The following NKAIN2 variants were observed in gnomAD, a reference collection of about 807,000 sequenced individuals.
NKAIN2 encodes the protein sodium/potassium-transporting ATPase subunit beta-1-interacting protein 2.
A neutral mutation model predicts 32.6 loss-of-function variants in NKAIN2; 14 were observed. That is an observed-to-expected ratio of 0.43 (90% CI 0.28 to 0.67). The LOEUF is 0.67. Among genes scored for constraint, NKAIN2 ranks in the 30% least tolerant of loss-of-function variants. The probability of loss-of-function intolerance (pLI) is 0.17; values close to 1 mark genes in which losing one functional copy is unlikely to be tolerated. For synonymous variants in NKAIN2, 80 were observed against 87.2 expected (o/e 0.92, Z 0.46); for missense variants, 198 against 258.3 (o/e 0.77, Z 1.60).
chr6:124,019,569 C>G (rs905287398), intron 1 of NKAIN2, among the ~76,000 whole-genome samples: 3 of 152,006 alleles, frequency 2.0e-5, no homozygotes, highest in Non-Finnish European at 4.4e-5. Flanking sequence ...GTAGTAAGCT[C>G]TTGGTCATCT....
chr6:124,541,728 A>C (rs1583412946), intron 3 of NKAIN2, among the ~76,000 whole-genome samples: 2 of 152,280 alleles, frequency 1.3e-5, no homozygotes, highest in South Asian at 4.1e-4. Context: ...GAGAGACCCC[A>C]GTTAGCAGTT....
chr6:123,938,399 TATATATATATATATATA>T (rs1776626849), intron 1 of NKAIN2, among the ~76,000 whole-genome samples: 2 of 1,638 alleles, frequency 1.2e-3, no homozygotes, highest in South Asian at 0.033. Context: ...GCAAGGGTTA[TATATATATATATATATA>T]TATATATATA....
intron 3 of NKAIN2, among the ~76,000 whole-genome samples, chr6:124,657,050 T>C (rs1464057134): frequency 6.6e-6 from 1 of 152,180 alleles, no homozygotes; most frequent in Non-Finnish European, 1.5e-5. Context: ...ATAGCACACC[T>C]TTTTCCAAAG....
chr6:124,823,378 TGA>T lies in NKAIN2; in HGVS notation c.*150_*151del. ...AATGCAAAGCCTCTACATACAACAC[TGA>T]CACACACACACACACACACGTGAGC... On this transcript the variant is annotated 3_prime_UTR_variant, in exon 7 of 7. Transcript: ENST00000368417. 1.6e-6 allele frequency: 1 copy of T among 631,944 alleles called. No individual in the cohort carries two copies. Among genetic ancestry groups the T allele is most frequent in the Non-Finnish European group, 2.8e-6 (1 of 352,394 alleles). 39.1% of individuals were successfully genotyped at this position (631,944 alleles called of 1,614,324 possible). A position where few individuals can be genotyped will look rare whatever the true frequency, so the allele number is the denominator to read the frequency against.
intron 2 of NKAIN2, among the ~76,000 whole-genome samples, chr6:124,284,053 A>G (rs545445669): frequency 1.8e-5 from 1 of 54,224 alleles, no homozygotes; most frequent in African/African-American, 1.2e-4. Flanking sequence ...ACCCAGATAA[A>G]GCTCATTGGT....
At chr6:124,103,262 T>C (rs1333446674) in intron 1 of NKAIN2, among the ~76,000 whole-genome samples, 1 of 152,170 alleles carries the variant, frequency 6.6e-6, no homozygotes, top group East Asian at 1.9e-4. Context: ...ACAAAGCAAT[T>C]TGATACCCTG....
intron 1 of NKAIN2, among the ~76,000 whole-genome samples, chr6:124,263,969 G>A (rs111733505): frequency 6.6e-6 from 1 of 152,160 alleles, no homozygotes; most frequent in Non-Finnish European, 1.5e-5. Flanking sequence ...TTTCAGGAAT[G>A]TGATGAAGGA....
intron 3 of NKAIN2, among the ~76,000 whole-genome samples, chr6:124,652,580 T>A (rs996476904): frequency 6.6e-6 from 1 of 152,172 alleles, no homozygotes; most frequent in African/African-American, 2.4e-5. Context: ...CACCCCAGAC[T>A]GGGTAATTTA....
rs147486809 is a variant in NKAIN2 at position 124,510,035 on chromosome 6, A to T, written c.274-148151A>T. Among the ~76,000 whole-genome samples the T allele has an allele frequency of 2.5e-3, 385 of 152,270 alleles. 1 individual carries two copies. Among genetic ancestry groups the T allele is most frequent in the African/African-American group, 8.9e-3 (371 of 41,572 alleles). ...TTCAAACCAAGAGCCTCTTTAACAC[A>T]TGAACAATTCATTTAATTTCTGTTA... On this transcript the variant is annotated intron_variant, in intron 3 of 6. Transcript: ENST00000368417.
intron 3 of NKAIN2, among the ~76,000 whole-genome samples, chr6:124,562,270 T>G (rs1780724606): frequency 1.3e-5 from 2 of 152,218 alleles, no homozygotes; most frequent in South Asian, 2.1e-4. Context: ...CTAGTGCCAT[T>G]GAGACACCAT....
intron 1 of NKAIN2, among the ~76,000 whole-genome samples, chr6:124,178,552 C>T (rs1338527635): frequency 6.6e-6 from 1 of 152,156 alleles, no homozygotes; most frequent in Non-Finnish European, 1.5e-5. Context: ...CCACCTCGGC[C>T]TCCCAAAGTG....
At chr6:123,995,199 G>A (rs1779565477) in intron 1 of NKAIN2, among the ~76,000 whole-genome samples, 1 of 152,148 alleles carries the variant, frequency 6.6e-6, no homozygotes, top group African/African-American at 2.4e-5. Flanking sequence ...GAATTCAAAA[G>A]ATTTTGATAA....
At chr6:124,063,386 CAG>C (rs530889132) in intron 1 of NKAIN2, among the ~76,000 whole-genome samples, 41 of 152,112 alleles carry the variant, frequency 2.7e-4, no homozygotes, top group African/African-American at 8.2e-4. Context: ...GTGAAGTTAA[CAG>C]GGGAATAATA....
Position 123,840,314 on chromosome 6 carries a change from T to C in NKAIN2, c.54+36060T>C, listed in dbSNP as rs147778664. ...AAAAGTCATATTCAGAAGATTTACG[T>C]ATAAATTTATATCTCTTCTGCCAAA... On this transcript the variant is annotated intron_variant, in intron 1 of 6. Coordinates refer to ENST00000368417, the MANE Select transcript of NKAIN2 (RefSeq NM_001040214.3). 7.2e-3 allele frequency among the ~76,000 whole-genome samples: 1,089 copies of C among 152,202 alleles called. 4 individuals carry two copies. Among genetic ancestry groups the C allele is most frequent in the Non-Finnish European group, 0.012 (784 of 67,938 alleles).
intron 1 of NKAIN2, among the ~76,000 whole-genome samples, chr6:124,095,937 C>T (rs928118837): frequency 1.3e-5 from 2 of 152,090 alleles, no homozygotes; most frequent in Admixed American, 1.3e-4. Flanking sequence ...GTGTATATCC[C>T]TGGGCCCAGA....
At chr6:124,411,773 A>G (rs1003846878) in intron 3 of NKAIN2, among the ~76,000 whole-genome samples, 3 of 152,154 alleles carry the variant, frequency 2.0e-5, no homozygotes, top group African/African-American at 7.2e-5. Context: ...ATCCTGCAGA[A>G]TGTTTTCCAG....
At chr6:124,601,587 A>G (rs562460812) in intron 3 of NKAIN2, among the ~76,000 whole-genome samples, 1 of 152,012 alleles carries the variant, frequency 6.6e-6, no homozygotes, top group African/African-American at 2.4e-5. Flanking sequence ...ATATGGTCAG[A>G]TTTTTACTGT....
chr6:124,397,264 T>C (rs965922813), intron 3 of NKAIN2, among the ~76,000 whole-genome samples: 1 of 152,046 alleles, frequency 6.6e-6, no homozygotes, highest in African/African-American at 2.4e-5. Flanking sequence ...ATTTAAATAA[T>C]ATAAATAAAT....
At chr6:124,818,546 G>T in intron 6 of NKAIN2, 78 bp downstream of exon 6, 1 of 589,632 alleles carries the variant, frequency 1.7e-6, no homozygotes, top group Non-Finnish European at 3.0e-6. Context: ...CAAAATTGAT[G>T]GCATGCAGCT....
Sources: gnomAD v4.1 joint callset for allele counts (sites outside exome capture counted in the v4.1 genomes callset) on GRCh38, gnomAD v4.1.1 for gene constraint, MANE v1.5 for transcripts, NCBI Gene and HGNC (gene_info 2026-07-23, HGNC 2026-07-21) for gene names.